CCDC178: variants seen among roughly 807,000 people sequenced by gnomAD.
CCDC178 encodes coiled-coil domain containing 178, also known as coiled-coil domain-containing protein 178.
A neutral mutation model predicts 117.4 loss-of-function variants in CCDC178; 126 were observed. The ratio of observed to expected loss-of-function variants is 1.07; its 90% confidence interval spans 0.93 to 1.24. The LOEUF (loss-of-function observed/expected upper bound fraction) is 1.24. Among genes scored for constraint, CCDC178 ranks in the 50% most tolerant of loss-of-function variants. The pLI is 0.00. For missense variants in CCDC178, 1,030 were observed against 986.9 expected (o/e 1.04, Z -0.59); for synonymous variants, 283 against 313.4 (o/e 0.90, Z 1.02).
chr18:32,989,163 A>C (rs2055335529), intron 21 of CCDC178, among the ~76,000 whole-genome samples: 1 of 152,218 alleles, frequency 6.6e-6, no homozygotes, highest in Admixed American at 6.5e-5. Context: ...CAGTAAAAAA[A>C]CCAAAAAGTA....
intron 20 of CCDC178, among the ~76,000 whole-genome samples, chr18:33,196,908 GAGA>G (rs1417124202): frequency 6.6e-6 from 1 of 152,136 alleles, no homozygotes; most frequent in East Asian, 1.9e-4. Flanking sequence ...TGAACATTTT[GAGA>G]AGGACTTGAT....
At chr18:33,405,761 C>G (rs2063771724) in intron 3 of CCDC178, among the ~76,000 whole-genome samples, 1 of 151,952 alleles carries the variant, frequency 6.6e-6, no homozygotes, top group Admixed American at 6.6e-5. Flanking sequence ...GGCAGTGAAT[C>G]TTGAATATGT....
At chr18:32,949,464 T>C (rs1312915989) in intron 22 of CCDC178, among the ~76,000 whole-genome samples, 1 of 152,182 alleles carries the variant, frequency 6.6e-6, no homozygotes, top group African/African-American at 2.4e-5. Flanking sequence ...GGACAGTTTC[T>C]ATTGCTATGT....
At chr18:33,238,089 C>T (rs2059446368) in intron 15 of CCDC178, among the ~76,000 whole-genome samples, 1 of 152,196 alleles carries the variant, frequency 6.6e-6, no homozygotes, top group Non-Finnish European at 1.5e-5. Flanking sequence ...ATTACTGTAT[C>T]CACCTGGGAC....
chr18:32,993,253 A>C (rs1568204251), intron 21 of CCDC178, among the ~76,000 whole-genome samples: 2 of 152,140 alleles, frequency 1.3e-5, no homozygotes, highest in Non-Finnish European at 2.9e-5. Context: ...CAAACATCAG[A>C]CCAAATTAAG....
intron 12 of CCDC178, among the ~76,000 whole-genome samples, chr18:33,289,053 T>C: frequency 6.6e-6 from 1 of 152,194 alleles, no homozygotes; most frequent in East Asian, 1.9e-4. Flanking sequence ...CCTCTAGTAT[T>C]TCAGCCCAGT....
chr18:33,419,273 A>G (rs1302632059), intron 2 of CCDC178, among the ~76,000 whole-genome samples: 2 of 152,138 alleles, frequency 1.3e-5, no homozygotes, highest in African/African-American at 4.8e-5. Context: ...TCCCTACACC[A>G]CTATATTCAA....
chr18:33,054,929 C>T (rs1176251061), intron 21 of CCDC178, among the ~76,000 whole-genome samples: 2 of 152,146 alleles, frequency 1.3e-5, no homozygotes, highest in Non-Finnish European at 2.9e-5. Context: ...CTCCACACCT[C>T]GCCATCATCT....
intron 21 of CCDC178, among the ~76,000 whole-genome samples, chr18:33,079,390 C>T (rs913535047): frequency 6.6e-6 from 1 of 152,072 alleles, no homozygotes; most frequent in African/African-American, 2.4e-5. Flanking sequence ...GTTGAAGACA[C>T]CAAAAACAAT....
At chr18:33,179,662 G>A (rs987538107) in intron 20 of CCDC178, among the ~76,000 whole-genome samples, 11 of 151,994 alleles carry the variant, frequency 7.2e-5, no homozygotes, top group African/African-American at 2.4e-4. Context: ...CAGAGGTATA[G>A]AGCAATGTTT....
chr18:33,087,447 T>C (rs995437777), intron 21 of CCDC178, among the ~76,000 whole-genome samples: 2 of 152,152 alleles, frequency 1.3e-5, no homozygotes, highest in African/African-American at 4.8e-5. Context: ...TTCAGAGAAA[T>C]GGGACAGTAT....
chr18:33,059,756 C>G (rs2056892274), intron 21 of CCDC178, among the ~76,000 whole-genome samples: 2 of 152,144 alleles, frequency 1.3e-5, no homozygotes, highest in Admixed American at 1.3e-4. Context: ...GCCTCCAGTC[C>G]AAATCTTGCA....
chr18:33,078,534 C>T (rs271525), intron 21 of CCDC178, among the ~76,000 whole-genome samples: 21,758 of 152,120 alleles, frequency 0.14, 2,410 homozygotes, highest in African/African-American at 0.31. Flanking sequence ...TAGGAAACCC[C>T]GTAGTCTTGG....
chr18:33,064,885 T>C (rs1156921879), intron 21 of CCDC178, among the ~76,000 whole-genome samples: 1 of 152,084 alleles, frequency 6.6e-6, no homozygotes, highest in Non-Finnish European at 1.5e-5. Context: ...ATGTGGTGTA[T>C]ACATACAACA....
At chr18:33,342,208 T>C (rs144198837) in intron 9 of CCDC178, among the ~76,000 whole-genome samples, 2 of 150,302 alleles carry the variant, frequency 1.3e-5, no homozygotes, top group East Asian at 3.9e-4. Flanking sequence ...AAACAAGATA[T>C]GATATATATA....
At chr18:32,996,191 G>C (rs1249286417) in intron 21 of CCDC178, among the ~76,000 whole-genome samples, 2 of 151,574 alleles carry the variant, frequency 1.3e-5, no homozygotes, top group Admixed American at 6.6e-5. Flanking sequence ...AAAATCCTGA[G>C]AACAGCATTA....
intron 20 of CCDC178, among the ~76,000 whole-genome samples, chr18:33,151,129 T>C (rs2058337361): frequency 6.6e-6 from 1 of 152,150 alleles, no homozygotes; most frequent in Admixed American, 6.5e-5. Context: ...AGACTATGTA[T>C]TGAGTACAGT....
At chr18:33,315,496 C>G (rs563984973) in intron 11 of CCDC178, among the ~76,000 whole-genome samples, 14 of 152,288 alleles carry the variant, frequency 9.2e-5, no homozygotes, top group Admixed American at 6.5e-4. Context: ...TTATCTTGAT[C>G]TTCAGGCTCT....
intron 12 of CCDC178, among the ~76,000 whole-genome samples, chr18:33,272,706 G>A (rs898456978): frequency 2.0e-5 from 3 of 151,474 alleles, no homozygotes. Flanking sequence ...ACGATGAAGT[G>A]AGATCTATCT....
Sources: gnomAD v4.1 joint callset for allele counts (sites outside exome capture counted in the v4.1 genomes callset) on GRCh38, gnomAD v4.1.1 for gene constraint, MANE v1.5 for transcripts, NCBI Gene and HGNC (gene_info 2026-07-23, HGNC 2026-07-21) for gene names.